PAX1: variants seen among roughly 807,000 people sequenced by gnomAD.
PAX1 encodes the protein paired box 1.
In PAX1, 18 loss-of-function variants were observed where a neutral mutation model predicts 35.6. The observed-to-expected ratio is 0.50, with a 90% CI of 0.35 to 0.75. The LOEUF (loss-of-function observed/expected upper bound fraction) is 0.75. PAX1 is among the 30% of genes least tolerant of loss of function. The pLI is 0.01. For missense variants in PAX1, 760 were observed against 661.5 expected (o/e 1.15, Z -1.63); for synonymous variants, 397 against 305.2 (o/e 1.30, Z -3.14).
Position 21,709,275 on chromosome 20 carries a change from G to C in PAX1, c.1113G>C (p.Pro371=). Residue 371 remains proline (P), a synonymous_variant, in exon 4 of 5, where the codon CCG becomes CCC. Transcript: ENST00000613128. ...GCTTTCTCCCCGCCTGCGCCTACCC[G>C]GCCTCCAACCAGCACGGCGTGTACA... ...VGGFLPACAY[P]ASNQHGVYSA... 1 of 1,605,804 alleles carries C rather than the reference G, an allele frequency of 6.2e-7. No homozygotes were observed. Among genetic ancestry groups the C allele is most frequent in the Non-Finnish European group, 8.5e-7 (1 of 1,179,728 alleles).
chr20:21,710,969 A>T (rs1478105094), intron 4 of PAX1, among the ~76,000 whole-genome samples: 1 of 152,246 alleles, frequency 6.6e-6, no homozygotes, highest in Non-Finnish European at 1.5e-5. Flanking sequence ...AAAAGTTGAG[A>T]GTAAGAACTC....
chr20:21,714,546 C>G lies in PAX1; in HGVS notation c.1358C>G (p.Pro453Arg). Residue 453 changes from proline (P) to arginine (R), a missense_variant, in exon 5 of 5, where the codon CCG becomes CGG. Transcript: ENST00000613128. ...ALSSLHGLPI[P>R]ASTS ...AGTAGCTTACACGGACTGCCCATCC[C>G]GGCCTCGACCTCCTAGGGGCAGCTC... 2.5e-6 allele frequency: 4 copies of G among 1,592,980 alleles called. No individual in the cohort carries two copies. The highest frequency in any genetic ancestry group is 3.4e-6 in the Non-Finnish European group (4 of 1,171,090).
At chr20:21,707,266 T>C (rs1985050275) in intron 2 of PAX1, among the ~76,000 whole-genome samples, 199 bp downstream of exon 2, 1 of 152,162 alleles carries the variant, frequency 6.6e-6, no homozygotes, top group Admixed American at 6.5e-5. Flanking sequence ...ATGACAAATA[T>C]GGAAAATATT....
chr20:21,716,007 T>G lies in PAX1; in HGVS notation c.*1445T>G, dbSNP rs1985358661. 1 of 152,242 alleles carries G rather than the reference T, an allele frequency of 6.6e-6. No homozygotes were observed. Among genetic ancestry groups the G allele is most frequent in the South Asian group, 2.1e-4 (1 of 4,832 alleles). The allele number at this position is 152,242 out of a possible 1,614,324, so 9.4% of individuals were successfully genotyped here. A position where few individuals can be genotyped will look rare whatever the true frequency, so the allele number is the denominator to read the frequency against. On this transcript the variant is annotated 3_prime_UTR_variant, in exon 5 of 5. Transcript: ENST00000613128. ...GTGTGGTGAGGTGAGCAAGTCTGTT[T>G]CTGAGCGCAGAGTGTTGAGTTCTTA...
intron 4 of PAX1, among the ~76,000 whole-genome samples, chr20:21,710,545 G>A (rs559510986): frequency 2.0e-5 from 3 of 152,318 alleles, no homozygotes; most frequent in African/African-American, 7.2e-5. Context: ...GCCTCCACCT[G>A]TCCAGGGCTG....
At chr20:21,708,531 T>C in intron 2 of PAX1, 27 bp from the exon 3 acceptor site, 1 of 1,612,270 alleles carries the variant, frequency 6.2e-7, no homozygotes. Context: ...CGGAGGCACC[T>C]TTTAATCCGT....
At position 21,705,963 on chromosome 20, in the gene PAX1, C is replaced by A; in HGVS notation, c.251C>A (p.Pro84His). The change falls in exon 1 of 5, where the codon CCC (proline) becomes CAC (histidine). Residue 84 changes from proline (P) to histidine (H), a missense_variant. Pro to His is a moderately conservative substitution (Grantham distance 77). This residue lies in a region of PAX1 where 222 missense variants were observed against 153.0 expected (regional missense o/e 1.45). Transcript: ENST00000613128. ...CCCAGCCCCGGCCACCCCGGCCACC[C>A]CGGCGCCAGGCAGCTGGCCGGCCCG... ...AGPSPGHPGH[P>H]GARQLAGPLA... The A allele has an allele frequency of 6.7e-7, 1 of 1,489,552 alleles. No individual in the cohort carries two copies. Among genetic ancestry groups the A allele is most frequent in the Non-Finnish European group, 8.9e-7 (1 of 1,128,668 alleles). The allele number at this position is 1,489,552 out of a possible 1,614,324, so 92.3% of individuals were successfully genotyped here. A position where few individuals can be genotyped will look rare whatever the true frequency, so the allele number is the denominator to read the frequency against.
rs1221766076 is a variant in PAX1, at chr20:21,714,808, C to T, written c.*246C>T. On this transcript the variant is annotated 3_prime_UTR_variant, in exon 5 of 5. Transcript: ENST00000613128. ...TTCTCTGAACTTGGGTTTTAGACTG[C>T]CGTACCCTCCTCACAATCCTTGCTC... is the stretch of plus-strand genomic sequence containing the variant. 6 of 1,597,212 alleles carry T rather than the reference C, an allele frequency of 3.8e-6. No individual in the cohort carries two copies. In the African/African-American group the frequency reaches 8.0e-5, roughly 21 times the overall value.
At position 21,714,831 on chromosome 20, in the gene PAX1, C is replaced by A; in HGVS notation, c.*269C>A. On this transcript the variant is annotated 3_prime_UTR_variant, in exon 5 of 5. Transcript: ENST00000613128. ...TGCCGTACCCTCCTCACAATCCTTG[C>A]TCTGACGTGGCCTCCTTCGCTCTGC... 1 of 1,574,774 alleles carries A rather than the reference C, an allele frequency of 6.4e-7. No individual in the cohort carries two copies. The highest frequency in any genetic ancestry group is 8.6e-7 in the Non-Finnish European group (1 of 1,157,366).
At chr20:21,712,306 T>A (rs1985222814) in intron 4 of PAX1, among the ~76,000 whole-genome samples, 1 of 152,232 alleles carries the variant, frequency 6.6e-6, no homozygotes, top group Non-Finnish European at 1.5e-5. Flanking sequence ...GGTTTCCTAT[T>A]ATGTAGGTAA....
chr20:21,707,171 T>C, intron 2 of PAX1, 104 bp downstream of exon 2: 1 of 1,443,020 alleles, frequency 6.9e-7, no homozygotes, highest in East Asian at 2.4e-5. Flanking sequence ...GGACCGGTTC[T>C]GGCTCAGGGG....
chr20:21,708,743 CAGA>C (rs776180356), intron 3 of PAX1, 43 bp downstream of exon 3: 1 of 1,604,562 alleles, frequency 6.2e-7, no homozygotes, highest in South Asian at 1.1e-5. Flanking sequence ...AGTAGGGAAG[CAGA>C]AGGTTTGGGC....
intron 2 of PAX1, among the ~76,000 whole-genome samples, chr20:21,707,290 A>G (rs1340040262): frequency 6.6e-6 from 1 of 152,188 alleles, no homozygotes; most frequent in African/African-American, 2.4e-5. Flanking sequence ...CAAATAGAAG[A>G]GCAATCGCCG....
intron 4 of PAX1, among the ~76,000 whole-genome samples, chr20:21,714,177 G>A (rs1248469007): frequency 3.3e-5 from 5 of 152,206 alleles, no homozygotes; most frequent in African/African-American, 1.2e-4. Flanking sequence ...TGGTGAGGGG[G>A]TTGGACGGCA....
chr20:21,708,012 C>A (rs1185652916), intron 2 of PAX1, among the ~76,000 whole-genome samples: 1 of 151,844 alleles, frequency 6.6e-6, no homozygotes, highest in African/African-American at 2.4e-5. Flanking sequence ...AGCCTGCACG[C>A]AGATCTGGAG....
rs1466948093 is a variant in PAX1, at chr20:21,706,072, T to TGAG, written c.286+74_286+75insGAG. The stretch of plus-strand genomic sequence containing the variant: ...CGGGTCCGCCTGCCTCCCTTCCCTC[T>TGAG]CGTCCGCTTTCCCTGGGCGACCCAG... On this transcript the variant is annotated intron_variant, in intron 1 of 4. Coordinates refer to ENST00000613128, the MANE Select transcript of PAX1 (RefSeq NM_001257096.2). The surrounding 1 kb of genome is among the most constrained non-coding windows in gnomAD (Gnocchi z 5.3). The TGAG allele has an allele frequency of 1.5e-5, 19 of 1,238,118 alleles. No homozygotes were observed. The highest frequency in any genetic ancestry group is 2.0e-5 in the Non-Finnish European group (18 of 908,112). The allele number at this position is 1,238,118 out of a possible 1,614,324, so 76.7% of individuals were successfully genotyped here. A position where few individuals can be genotyped will look rare whatever the true frequency, so the allele number is the denominator to read the frequency against.
Position 21,706,213 on chromosome 20 carries a change from G to T in PAX1, c.286+215G>T. ...CGCGCTAAAAGTCGCGAAAGGGCACGGAGGGCTACAATGCGCCGCGCTCCA... is the reference window on the plus strand; with the variant it reads ...CGCGCTAAAAGTCGCGAAAGGGCACTGAGGGCTACAATGCGCCGCGCTCCA... On this transcript the variant is annotated intron_variant, in intron 1 of 4. Transcript: ENST00000613128. This position sits in a 1 kb window ranked among gnomAD's most constrained non-coding sequence, Gnocchi z 5.3. 2 of 775,232 alleles carry T rather than the reference G, an allele frequency of 2.6e-6. No individual in the cohort carries two copies. Among genetic ancestry groups the T allele is most frequent in the Non-Finnish European group, 4.4e-6 (2 of 451,656 alleles). The allele number at this position is 775,232 out of a possible 1,614,324, so 48.0% of individuals were successfully genotyped here. A position where few individuals can be genotyped will look rare whatever the true frequency, so the allele number is the denominator to read the frequency against.
chr20:21,708,330 A>T, intron 2 of PAX1: 2 of 646,332 alleles, frequency 3.1e-6, no homozygotes, highest in Non-Finnish European at 5.6e-6. Context: ...TTCGTGGGAA[A>T]CCGGTTGAAG....
rs761030228 is a variant in PAX1, at chr20:21,706,207, G to C, written c.286+209G>C. On this transcript the variant is annotated intron_variant, in intron 1 of 4. Coordinates refer to ENST00000613128, the MANE Select transcript of PAX1 (RefSeq NM_001257096.2). The surrounding 1 kb of genome is among the most constrained non-coding windows in gnomAD (Gnocchi z 5.3). The stretch of plus-strand genomic sequence containing the variant: ...AGTAGACGCGCTAAAAGTCGCGAAA[G>C]GGCACGGAGGGCTACAATGCGCCGC... 3.1e-5 allele frequency: 24 copies of C among 770,084 alleles called. No individual in the cohort carries two copies. The highest frequency in any genetic ancestry group is 8.9e-6 in the Non-Finnish European group (4 of 447,276). 47.7% of individuals were successfully genotyped at this position (770,084 alleles called of 1,614,324 possible).
Sources: allele counts gnomAD v4.1 joint callset (sites outside exome capture counted in the v4.1 genomes callset), GRCh38; gene constraint gnomAD v4.1.1; regional missense constraint gnomAD v4.1.1; non-coding constraint Gnocchi (gnomAD v3.1); transcripts MANE v1.5; gene names NCBI Gene and HGNC (gene_info 2026-07-23, HGNC 2026-07-21).